Variants in KCNB2 observed in about 807,000 individuals in gnomAD.
KCNB2 encodes delayed rectifier potassium channel protein.
Under a neutral mutation model 61.5 loss-of-function variants are expected in KCNB2, and 15 were observed. The observed-to-expected ratio is 0.24, with a 90% CI of 0.16 to 0.38. The LOEUF (loss-of-function observed/expected upper bound fraction) is 0.38, where lower values mean the gene tolerates loss of function less well. Ranked by LOEUF, KCNB2 falls within the 10% of genes least tolerant of loss-of-function variation. The probability of loss-of-function intolerance (pLI) is 1.00; values close to 1 mark genes in which losing one functional copy is unlikely to be tolerated. For missense variants in KCNB2, 828 were observed against 1,125.2 expected, an observed-to-expected ratio of 0.74 and a Z score of 3.78; for synonymous variants, 457 against 446.0, an observed-to-expected ratio of 1.02 and a Z score of -0.31.
chr8:72,620,944 C>T (rs139891128), intron 2 of KCNB2, among the ~76,000 whole-genome samples: 16 of 152,218 alleles, frequency 1.1e-4, no homozygotes, highest in Non-Finnish European at 1.5e-4. Context: ...CATTGGATTA[C>T]GTTTTAGGCC....
At chr8:72,683,448 A>T (rs764065855) in intron 2 of KCNB2, among the ~76,000 whole-genome samples, 1 of 152,226 alleles carries the variant, frequency 6.6e-6, no homozygotes, top group Non-Finnish European at 1.5e-5. Flanking sequence ...AAAATTAAAG[A>T]ATCGAAAGAA....
chr8:72,706,604 T>C (rs191310107), intron 2 of KCNB2, among the ~76,000 whole-genome samples: 90 of 152,328 alleles, frequency 5.9e-4, no homozygotes, highest in Admixed American at 2.0e-3. Flanking sequence ...TTCTGGAGTC[T>C]TATTGTTTCT....
intron 2 of KCNB2, among the ~76,000 whole-genome samples, chr8:72,581,806 G>A (rs1462803790): frequency 1.3e-5 from 2 of 152,330 alleles, no homozygotes; most frequent in African/African-American, 4.8e-5. Context: ...GGAATCAGGT[G>A]CTTCTGACAG....
chr8:72,936,435 A>C lies in KCNB2; in HGVS notation c.1080A>C (p.Glu360Asp). The change falls in exon 3 of 3, where the codon GAA becomes GAC. Residue 360 changes from glutamate to aspartate, a missense_variant. Glu to Asp is a conservative substitution (Grantham distance 45). Transcript: ENST00000523207. This position sits in a 1 kb window ranked among gnomAD's most constrained non-coding sequence, Gnocchi z 5.6. The part of the protein sequence containing the change: ...SSLVFFAEKD[E>D]DATKFTSIPA... ...TGGTATTTTTTGCTGAGAAGGATGA[A>C]GATGCTACCAAGTTCACCAGTATCC... 1 of 1,614,182 alleles carries C rather than the reference A, an allele frequency of 6.2e-7. No individual in the cohort carries two copies. The highest frequency in any genetic ancestry group is 8.5e-7 in the Non-Finnish European group (1 of 1,180,012).
intron 2 of KCNB2, among the ~76,000 whole-genome samples, chr8:72,773,279 C>G (rs1262699834): frequency 6.6e-6 from 1 of 152,172 alleles, no homozygotes; most frequent in Non-Finnish European, 1.5e-5. Context: ...TTGTATTGCC[C>G]AGGTCTGCCA....
chr8:72,566,022 G>A (rs920275699), intron 1 of KCNB2, among the ~76,000 whole-genome samples: 1 of 152,152 alleles, frequency 6.6e-6, no homozygotes, highest in Non-Finnish European at 1.5e-5. Context: ...TCTCTAGAAG[G>A]TGAGGTTTGA....
At chr8:72,882,316 C>T (rs1055596405) in intron 2 of KCNB2, among the ~76,000 whole-genome samples, 2 of 152,162 alleles carry the variant, frequency 1.3e-5, no homozygotes, top group Admixed American at 1.3e-4. Context: ...ACTCACCTGC[C>T]TTCAGGGGCT....
At chr8:72,851,840 A>AAAAAAAAAAAAACAAAAC (rs1554538995) in intron 2 of KCNB2, among the ~76,000 whole-genome samples, 1 of 134,462 alleles carries the variant, frequency 7.4e-6, no homozygotes, top group African/African-American at 3.0e-5. Context: ...AAAAAAAAAA[A>AAAAAAAAAAAAACAAAAC]AAAAAAAACA....
intron 2 of KCNB2, among the ~76,000 whole-genome samples, chr8:72,610,571 CA>C (rs933406285): frequency 2.4e-4 from 37 of 151,854 alleles, no homozygotes; most frequent in African/African-American, 8.7e-4. Context: ...TAATAGCAAC[CA>C]AAAAAATAGA....
intron 2 of KCNB2, among the ~76,000 whole-genome samples, chr8:72,699,697 A>G (rs930385330): frequency 6.6e-6 from 1 of 152,088 alleles, no homozygotes; most frequent in African/African-American, 2.4e-5. Flanking sequence ...GGTATTGCCT[A>G]GGTTTTCTTC....
At chr8:72,725,573 ATG>A (rs3032010) in intron 2 of KCNB2, among the ~76,000 whole-genome samples, 73 of 62,102 alleles carry the variant, frequency 1.2e-3, no homozygotes, top group African/African-American at 4.8e-3. Flanking sequence ...ATGTATATAT[ATG>A]TATATATATA....
chr8:72,645,577 G>T (rs1369991808), intron 2 of KCNB2, among the ~76,000 whole-genome samples: 1 of 151,982 alleles, frequency 6.6e-6, no homozygotes, highest in Non-Finnish European at 1.5e-5. Context: ...AGAGCTACCG[G>T]GCTCCTATTT....
intron 2 of KCNB2, among the ~76,000 whole-genome samples, chr8:72,842,759 T>G (rs1809914210): frequency 6.6e-6 from 1 of 152,252 alleles, no homozygotes; most frequent in South Asian, 2.1e-4. Context: ...TAGTTTGTAC[T>G]TCTGTGGGAT....
At chr8:72,785,020 C>T (rs1393084409) in intron 2 of KCNB2, among the ~76,000 whole-genome samples, 1 of 152,092 alleles carries the variant, frequency 6.6e-6, no homozygotes, top group African/African-American at 2.4e-5. Context: ...ATTATTTAGA[C>T]TTTCAGATTT....
intron 2 of KCNB2, among the ~76,000 whole-genome samples, chr8:72,788,746 G>A (rs1808885185): frequency 6.6e-6 from 1 of 152,058 alleles, no homozygotes; most frequent in Non-Finnish European, 1.5e-5. Context: ...TTCACTATAT[G>A]AAATTGCAAT....
intron 2 of KCNB2, among the ~76,000 whole-genome samples, chr8:72,695,948 A>T (rs1489504325): frequency 6.6e-6 from 1 of 152,212 alleles, no homozygotes; most frequent in Non-Finnish European, 1.5e-5. Flanking sequence ...TCAAATTAGT[A>T]ACAGAGATAG....
chr8:72,627,410 A>G (rs1380685606), intron 2 of KCNB2, among the ~76,000 whole-genome samples: 1 of 152,240 alleles, frequency 6.6e-6, no homozygotes, highest in African/African-American at 2.4e-5. Context: ...AACCTTGTGT[A>G]TAACCTAGAA....
chr8:72,853,931 T>C (rs1810163081), intron 2 of KCNB2, among the ~76,000 whole-genome samples: 1 of 152,224 alleles, frequency 6.6e-6, no homozygotes, highest in Admixed American at 6.5e-5. Flanking sequence ...ATTTCCGCAA[T>C]ATTCAGCTTT....
intron 2 of KCNB2, among the ~76,000 whole-genome samples, chr8:72,844,731 G>T (rs1809957343): frequency 6.6e-6 from 1 of 152,064 alleles, no homozygotes; most frequent in South Asian, 2.1e-4. Context: ...AATCAATTCG[G>T]CTATTGATGC....
Sources: gnomAD v4.1 joint callset for allele counts (sites outside exome capture counted in the v4.1 genomes callset) on GRCh38, gnomAD v4.1.1 for gene constraint, Gnocchi (gnomAD v3.1) non-coding constraint, MANE v1.5 for transcripts, NCBI Gene and HGNC (gene_info 2026-07-23, HGNC 2026-07-21) for gene names.